MAGI3: variants seen among roughly 807,000 people sequenced by gnomAD.
MAGI3 encodes the protein membrane-associated guanylate kinase, WW and PDZ domain-containing protein 3.
Under a neutral mutation model 121.8 loss-of-function variants are expected in MAGI3, and 43 were observed. The ratio of observed to expected loss-of-function variants is 0.35; its 90% CI spans 0.28 to 0.46. The LOEUF is 0.46. MAGI3 is among the 20% of genes least tolerant of loss of function. The pLI, the probability that MAGI3 is intolerant of heterozygous loss-of-function variation, is 1.00. For synonymous variants in MAGI3, 553 were observed against 639.3 expected, an observed-to-expected ratio of 0.86 and a Z score of 2.04; for missense variants, 1,547 against 1,797.3, an observed-to-expected ratio of 0.86 and a Z score of 2.52.
rs780728268 is a variant in MAGI3, at chr1:113,559,546, G to A, written c.433+9915G>A. On this transcript the variant is annotated intron_variant, in intron 2 of 20. Transcript: ENST00000307546. ...AAATATATATGCTCCCGATACAGGA[G>A]CACCCAGATTCATAAAGTTCCTTTT... Among the ~76,000 whole-genome samples the A allele has an allele frequency of 1.5e-3, 221 of 152,052 alleles. 8 individuals are homozygous for A. The highest frequency in any genetic ancestry group is 6.8e-3 in the Middle Eastern group (2 of 292).
chr1:113,464,077 C>T (rs1017330039), intron 1 of MAGI3, among the ~76,000 whole-genome samples: 2 of 152,098 alleles, frequency 1.3e-5, no homozygotes, highest in African/African-American at 2.4e-5. Flanking sequence ...CCCTACTGAT[C>T]TATCAAAGAG....
chr1:113,586,946 G>A (rs1488174126), intron 4 of MAGI3, among the ~76,000 whole-genome samples: 2 of 152,038 alleles, frequency 1.3e-5, no homozygotes, highest in East Asian at 1.9e-4. Flanking sequence ...ATATTTAAAG[G>A]GAATATATCC....
chr1:113,547,463 A>T (rs1570838864), intron 1 of MAGI3, among the ~76,000 whole-genome samples: 1 of 152,062 alleles, frequency 6.6e-6, no homozygotes, highest in Admixed American at 6.5e-5. Flanking sequence ...TAAGTGGGGG[A>T]AAAAACAATG....
At chr1:113,516,202 C>T (rs1657890224) in intron 1 of MAGI3, among the ~76,000 whole-genome samples, 1 of 151,890 alleles carries the variant, frequency 6.6e-6, no homozygotes, top group Non-Finnish European at 1.5e-5. Context: ...TGTCAGCTGA[C>T]AAGGTCTAGA....
intron 6 of MAGI3, among the ~76,000 whole-genome samples, chr1:113,613,050 C>T (rs964120769): frequency 1.3e-5 from 2 of 152,006 alleles, no homozygotes; most frequent in Admixed American, 6.6e-5. Flanking sequence ...CATGGAAGAT[C>T]CATAACTGTT....
At chr1:113,639,242 A>AT (rs564827919) in intron 9 of MAGI3, among the ~76,000 whole-genome samples, 422 of 152,182 alleles carry the variant, frequency 2.8e-3, no homozygotes, top group South Asian at 8.5e-3. Flanking sequence ...TGCACCCACT[A>AT]TCCTGCACCC....
chr1:113,552,347 A>G (rs1659821789), intron 2 of MAGI3, among the ~76,000 whole-genome samples: 1 of 152,014 alleles, frequency 6.6e-6, no homozygotes, highest in Admixed American at 6.6e-5. Flanking sequence ...TTTTTGACTC[A>G]TTTTCTTTCC....
rs1648415759 is a variant in MAGI3, at chr1:113,684,283, A to AT, written c.*270dup. The AT allele has an allele frequency of 3.5e-6, 1 of 289,736 alleles. No homozygotes were observed. Among genetic ancestry groups the AT allele is most frequent in the East Asian group, 6.3e-5 (1 of 15,922 alleles). The allele number at this position is 289,736 out of a possible 1,614,324, so 17.9% of individuals were successfully genotyped here. ...TGCTCAGGCTGCCCAGCTCGTCTTC[A>AT]TGAGTGTCTGAACAAATGACATATG... is the stretch of plus-strand genomic sequence containing the variant. On this transcript the variant is annotated 3_prime_UTR_variant, in exon 21 of 21. Transcript: ENST00000307546.
intron 1 of MAGI3, among the ~76,000 whole-genome samples, chr1:113,440,607 C>T (rs1470698216): frequency 6.6e-6 from 1 of 152,132 alleles, no homozygotes; most frequent in African/African-American, 2.4e-5. Context: ...CTGTGAAAAA[C>T]ACTGGAAAAG....
intron 1 of MAGI3, among the ~76,000 whole-genome samples, chr1:113,491,591 G>GT (rs1196802483): frequency 6.6e-6 from 1 of 152,076 alleles, no homozygotes; most frequent in African/African-American, 2.4e-5. Context: ...CCAGGAGCTG[G>GT]TTTTTTGAAG....
chr1:113,628,564 T>C (rs1304747918), intron 9 of MAGI3, among the ~76,000 whole-genome samples: 2 of 152,190 alleles, frequency 1.3e-5, no homozygotes, highest in African/African-American at 2.4e-5. Flanking sequence ...TTCTTTCGCA[T>C]TGAAGAACCC....
At chr1:113,651,248 CAA>C (rs771109218) in intron 14 of MAGI3, 42 bp downstream of exon 14, 1 of 1,538,126 alleles carries the variant, frequency 6.5e-7, no homozygotes, top group Non-Finnish European at 8.8e-7. Flanking sequence ...AAAAAAGAAA[CAA>C]AGATACTAGT....
intron 1 of MAGI3, among the ~76,000 whole-genome samples, chr1:113,505,021 C>T (rs1557791555): frequency 1.3e-5 from 2 of 152,198 alleles, no homozygotes; most frequent in South Asian, 2.1e-4. Flanking sequence ...TGTGAACCTA[C>T]ACATTTATAT....
intron 1 of MAGI3, among the ~76,000 whole-genome samples, chr1:113,445,981 T>C (rs1480626983): frequency 6.6e-6 from 1 of 152,226 alleles, no homozygotes; most frequent in Non-Finnish European, 1.5e-5. Flanking sequence ...TAAAGGTATA[T>C]ACATGGGTAA....
At chr1:113,676,028 ATCTTC>A (rs1387764954) in intron 19 of MAGI3, among the ~76,000 whole-genome samples, 1 of 144,440 alleles carries the variant, frequency 6.9e-6, no homozygotes, top group Non-Finnish European at 1.5e-5. Flanking sequence ...CTCCCCTCCT[ATCTTC>A]TCTTCTCTCT....
rs144180741 is a variant in MAGI3 at position 113,611,364 on chromosome 1, A to G, written c.1019-3237A>G. Among the ~76,000 whole-genome samples, 426 of 152,286 alleles carry G rather than the reference A, an allele frequency of 2.8e-3. 9 individuals are homozygous for G. The highest frequency in any genetic ancestry group is 0.018 in the East Asian group (95 of 5,180). On this transcript the variant is annotated intron_variant, in intron 6 of 20. Transcript: ENST00000307546. ...TGGCCTCCCAAAGTGCTGGGATTAC[A>G]GGCGTGAGTCACCGTGCCGGCCCAT...
At position 113,422,757 on chromosome 1, in the gene MAGI3, G is replaced by A. The variant is rs1191293817; in HGVS notation, c.316+31408G>A. Among the ~76,000 whole-genome samples, 1 of 152,204 alleles carries A rather than the reference G, an allele frequency of 6.6e-6. No individual in the cohort carries two copies. The highest frequency in any genetic ancestry group is 1.5e-5 in the Non-Finnish European group (1 of 68,030). On this transcript the variant is annotated intron_variant, in intron 1 of 20. Coordinates refer to ENST00000307546, the MANE Select transcript of MAGI3 (RefSeq NM_001142782.2). This position sits in a 1 kb window ranked among gnomAD's most constrained non-coding sequence, Gnocchi z 4.3. ...AGAACCCTATTGCCCTCAGTGTGGC[G>A]AGTGGGGGAGGCATGTTTCGGGGGG...
intron 19 of MAGI3, among the ~76,000 whole-genome samples, chr1:113,679,774 C>T (rs1326627327): frequency 6.6e-6 from 1 of 150,818 alleles, no homozygotes; most frequent in Non-Finnish European, 1.5e-5. Flanking sequence ...GGTGCAATCT[C>T]GGCTCATTGC....
At chr1:113,394,288 T>C (rs2101263956) in intron 1 of MAGI3, among the ~76,000 whole-genome samples, 1 of 152,340 alleles carries the variant, frequency 6.6e-6, no homozygotes, top group South Asian at 2.1e-4. Flanking sequence ...TAGTTTCTTA[T>C]TGTTTTAGTG....
Sources: allele counts gnomAD v4.1 joint callset (sites outside exome capture counted in the v4.1 genomes callset), GRCh38; gene constraint gnomAD v4.1.1; non-coding constraint Gnocchi (gnomAD v3.1); transcripts MANE v1.5; gene names NCBI Gene and HGNC (gene_info 2026-07-23, HGNC 2026-07-21).